The following TTN variants were observed in gnomAD, a reference collection of about 807,000 sequenced individuals.
The protein encoded by TTN is titin, also known as connectin.
Under a neutral mutation model 3,223.0 loss-of-function variants are expected in TTN, and 1,525 were observed. The ratio of observed to expected loss-of-function variants is 0.47; its 90% confidence interval spans 0.45 to 0.49. The LOEUF (loss-of-function observed/expected upper bound fraction) is 0.49. TTN is among the 20% of genes least tolerant of loss of function. TTN has a pLI of 0.00. For missense variants in TTN, 40,786 were observed against 43,424.0 expected (o/e 0.94, Z 5.40); for synonymous variants, 14,094 against 15,161.0 (o/e 0.93, Z 5.17).
chr2:178,775,487 C>A lies in TTN; in HGVS notation c.6377G>T (p.Trp2126Leu), dbSNP rs184312157. The A allele has an allele frequency of 6.2e-7, 1 of 1,614,000 alleles. No homozygotes were observed. The highest frequency in any genetic ancestry group is 1.7e-5 in the Admixed American group (1 of 59,998). The change falls in exon 28 of 363, where the codon TGG (tryptophan) becomes TTG (leucine). Residue 2126 changes from tryptophan (W) to leucine (L), a missense_variant. Coordinates refer to ENST00000589042, the MANE Select transcript of TTN (RefSeq NM_001267550.2). Reference sequence around the variant, plus strand: ...ACAAACATTGTCTTCGGGCCAGTACCAGTAGATCCGGTCAGACCGTTCAAT... The same window carrying A: ...ACAAACATTGTCTTCGGGCCAGTACAAGTAGATCCGGTCAGACCGTTCAAT... Reference protein sequence around the residue: ...VKIERSDRIYWYWPEDNVCEL... With the variant: ...VKIERSDRIYLYWPEDNVCEL...
rs1465416438 is a variant in TTN at position 178,545,700 on chromosome 2, A to G, written c.95417-7T>C. 19 of 1,609,650 alleles carry G rather than the reference A, an allele frequency of 1.2e-5. No individual in the cohort carries two copies. Among genetic ancestry groups the G allele is most frequent in the Non-Finnish European group, 1.5e-5 (18 of 1,176,904 alleles). The stretch of plus-strand genomic sequence containing the variant: ...CCGGGTGGTGATGGAATAGCTGTTT[A>G]TGAAAATAAGGATGATGAGAATTGC... On this transcript the variant is annotated splice_region_variant and splice_polypyrimidine_tract_variant and intron_variant, in intron 343 of 362. Transcript: ENST00000589042.
chr2:178,688,821 T>A, intron 125 of TTN, 43 bp from the exon 126 acceptor site: 1 of 1,486,332 alleles, frequency 6.7e-7, no homozygotes, highest in Non-Finnish European at 9.4e-7. Flanking sequence ...TCAAGAATTT[T>A]AACAATTCTC....
rs776495338 is a variant in TTN, at chr2:178,587,178, C to T, written c.64033G>A (p.Glu21345Lys). Residue 21345 changes from glutamate (E) to lysine (K), a missense_variant, in exon 307 of 363, where the codon GAA becomes AAA. Glu to Lys is a moderately conservative substitution (Grantham distance 56). Transcript: ENST00000589042. ...TCTGTTGGGACGCCAGGGCCATATT[C>T]GTTGACAGCAGTTACTCTGAAGTAA... ...EYYFRVTAVN[E>K]YGPGVPTDVP... is the part of the protein sequence containing the mutation. The T allele has an allele frequency of 1.4e-5, 23 of 1,613,144 alleles. No homozygotes were observed. Among genetic ancestry groups the T allele is most frequent in the African/African-American group, 9.4e-5 (7 of 74,838 alleles).
In TTN at chr2:178,715,511, T is replaced by C; in HGVS notation, c.25903A>G (p.Thr8635Ala). 1 of 1,611,960 alleles carries C rather than the reference T, an allele frequency of 6.2e-7. No homozygotes were observed. The highest frequency in any genetic ancestry group is 8.5e-7 in the Non-Finnish European group (1 of 1,178,294). Reference sequence around the variant, plus strand: ...CGCTGACCTTTAACTTTTAAGGATGTGCTGCTGCTGGCACTGCCTGCTGCA... The same window carrying C: ...CGCTGACCTTTAACTTTTAAGGATGCGCTGCTGCTGGCACTGCCTGCTGCA... ...HNAAGSASSS[T>A]SLKVKEPPIF... The change falls in exon 89 of 363, where the codon ACA (threonine) becomes GCA (alanine). Residue 8635 changes from threonine (T) to alanine (A), a missense_variant. Coordinates refer to ENST00000589042, the MANE Select transcript of TTN (RefSeq NM_001267550.2).
chr2:178,722,657 A>C lies in TTN; in HGVS notation c.22240+2T>G. 6.3e-7 allele frequency: 1 copy of C among 1,597,720 alleles called. No homozygotes were observed. Among genetic ancestry groups the C allele is most frequent in the African/African-American group, 1.3e-5 (1 of 74,100 alleles). ...TTTTTTTAATTTGTAAAATATCATC[A>C]CCTTGAATTCTGAACACAGTCTTAG... is the stretch of plus-strand genomic sequence containing the variant. On this transcript the variant is annotated splice_donor_variant, in intron 76 of 362. Coordinates refer to ENST00000589042, the MANE Select transcript of TTN (RefSeq NM_001267550.2). LOFTEE classifies it high-confidence loss of function.
rs766280406 is a variant in TTN, at chr2:178,664,037, C to A, written c.36342G>T (p.Lys12114Asn). The change falls in exon 169 of 363, where the codon AAG becomes AAT. Residue 12114 changes from lysine to asparagine, a missense_variant. By Grantham distance (94) the Lys-to-Asn change is moderately conservative. Coordinates refer to ENST00000589042, the MANE Select transcript of TTN (RefSeq NM_001267550.2). ...TACCTTTAACAGGTGGGACTTCAGGCTTTTTAGGAGGCACCACCGACACTT... is the reference window on the plus strand; with the variant it reads ...TACCTTTAACAGGTGGGACTTCAGGATTTTTAGGAGGCACCACCGACACTT... ...EKKVSVVPPK[K>N]PEVPPVKVPE... is the part of the protein sequence containing the mutation. 3.7e-6 allele frequency: 6 copies of A among 1,613,250 alleles called. No individual in the cohort carries two copies. In the East Asian group the frequency reaches 1.3e-4, roughly 36 times the overall value.
intron 1 of TTN, among the ~76,000 whole-genome samples, 176 bp from the exon 2 acceptor site, chr2:178,804,831 C>G (rs1471313250): frequency 6.6e-6 from 1 of 152,130 alleles, no homozygotes; most frequent in Non-Finnish European, 1.5e-5. Flanking sequence ...CATAGTTCAT[C>G]ATTGAGTTGA....
intron 45 of TTN, among the ~76,000 whole-genome samples, chr2:178,757,303 G>A (rs1219957689): frequency 1.6e-5 from 1 of 64,270 alleles, no homozygotes; most frequent in Non-Finnish European, 3.4e-5. Context: ...AGCAAAGGTG[G>A]TGCCTAATAA....
At position 178,569,468 on chromosome 2, in the gene TTN, G is replaced by A. The variant is rs1035031578; in HGVS notation, c.76664C>T (p.Ala25555Val). The A allele has an allele frequency of 6.2e-6, 10 of 1,612,694 alleles. No individual in the cohort carries two copies. The African/African-American group carries it at 1.2e-4, about 19-fold the overall frequency. ...GKVDGEIRDA[A>V]IIDVTSSFTS... Reference sequence around the variant, plus strand: ...GAAACTGCTAGTGACATCAATTATAGCTGCATCTCGGATTTCACCATCCAC... The same window carrying A: ...GAAACTGCTAGTGACATCAATTATAACTGCATCTCGGATTTCACCATCCAC... The change falls in exon 326 of 363, where the codon GCT (alanine) becomes GTT (valine). Residue 25555 changes from alanine to valine, a missense_variant. By Grantham distance (64) the Ala-to-Val change is moderately conservative (BLOSUM62 0). Transcript: ENST00000589042.
intron 240 of TTN, 69 bp downstream of exon 240, chr2:178,629,232 G>A: frequency 6.4e-7 from 1 of 1,559,574 alleles, no homozygotes; most frequent in South Asian, 1.2e-5. Context: ...AAAGAATAAG[G>A]AACATACAAG....
At position 178,527,073 on chromosome 2, in the gene TTN, C is replaced by A. The variant is rs397517478; in HGVS notation, c.107915G>T (p.Ser35972Ile). Residue 35972 changes from serine to isoleucine, a missense_variant, in exon 363 of 363, where the codon AGT (serine) becomes ATT (isoleucine). Transcript: ENST00000589042. ...QKQDGGLYTLSLGNEFGSDSA... is the reference protein window; with the variant it reads ...QKQDGGLYTLILGNEFGSDSA... ...GTCAGATCCAAATTCATTCCCTAAA[C>A]TCAGGGTATAAAGTCCACCATCTTG... is the stretch of plus-strand genomic sequence containing the variant. 7.9e-5 allele frequency: 128 copies of A among 1,613,764 alleles called. No individual in the cohort carries two copies. In the Middle Eastern group the frequency reaches 2.3e-3, roughly 29 times the overall value.
In TTN at chr2:178,534,276, A is replaced by C. The variant is rs794729561; in HGVS notation, c.102339T>G (p.Cys34113Trp). 6.2e-7 allele frequency: 1 copy of C among 1,613,912 alleles called. No individual in the cohort carries two copies. Among genetic ancestry groups the C allele is most frequent in the Non-Finnish European group, 8.5e-7 (1 of 1,179,836 alleles). Reference protein sequence around the residue: ...NMVVSAARISCGGAIRSQKGV... With the variant: ...NMVVSAARISWGGAIRSQKGV... ...CCTTCTGAGATCGAATTGCACCACCACAGGAGATCCGGGCTGCTGACACAA... is the reference window on the plus strand; with the variant it reads ...CCTTCTGAGATCGAATTGCACCACCCCAGGAGATCCGGGCTGCTGACACAA... The change falls in exon 358 of 363, where the codon TGT (cysteine) becomes TGG (tryptophan). Residue 34113 changes from cysteine (C) to tryptophan (W), a missense_variant. Coordinates refer to ENST00000589042, the MANE Select transcript of TTN (RefSeq NM_001267550.2).
In TTN at chr2:178,537,414, C is replaced by T; in HGVS notation, c.99793G>A (p.Ala33265Thr). The T allele has an allele frequency of 6.2e-7, 1 of 1,610,562 alleles. No individual in the cohort carries two copies. Among genetic ancestry groups the T allele is most frequent in the Non-Finnish European group, 8.5e-7 (1 of 1,177,524 alleles). ...CTGAGCTGGACTTTGTATTTCCCAG[C>T]ATGAGTCTTACGTTGGACATTCTTC... ...VMKNVQRKTHAGKYKVQLSNV... is the reference protein window; with the variant it reads ...VMKNVQRKTHTGKYKVQLSNV... The change falls in exon 355 of 363, where the codon GCT becomes ACT. Residue 33265 changes from alanine (A) to threonine (T), a missense_variant. Physicochemically the swap from Ala to Thr is moderately conservative, Grantham distance 58. Coordinates refer to ENST00000589042, the MANE Select transcript of TTN (RefSeq NM_001267550.2).
rs752659193 is a variant in TTN at position 178,713,974 on chromosome 2, C to G, written c.26684G>C (p.Ser8895Thr). 9.3e-6 allele frequency: 15 copies of G among 1,613,656 alleles called. No homozygotes were observed. The highest frequency in any genetic ancestry group is 1.2e-5 in the Non-Finnish European group (14 of 1,179,682). The change falls in exon 92 of 363, where the codon AGT (serine) becomes ACT (threonine). Residue 8895 changes from serine to threonine, a missense_variant. Coordinates refer to ENST00000589042, the MANE Select transcript of TTN (RefSeq NM_001267550.2). ...CTCAAAACTGTATACCCCACTGTCA[C>G]TCGGTGCTACATTGATGATCTTAAG... ...SGLKIINVAP[S>T]DSGVYSFEVQ...
Position 178,799,863 on chromosome 2 carries a change from C to A in TTN, c.631G>T (p.Ala211Ser). The A allele has an allele frequency of 6.2e-7, 1 of 1,614,118 alleles. No individual in the cohort carries two copies. Among genetic ancestry groups the A allele is most frequent in the Non-Finnish European group, 8.5e-7 (1 of 1,180,008 alleles). Reference protein sequence around the residue: ...AKKTKTIVSTAQISESRQTRI... With the variant: ...AKKTKTIVSTSQISESRQTRI... Reference sequence around the variant, plus strand: ...GTTTGTCTTGATTCTGAGATCTGAGCAGTCGAAACAATTGTCTTTGTCTTT... The same window carrying A: ...GTTTGTCTTGATTCTGAGATCTGAGAAGTCGAAACAATTGTCTTTGTCTTT... The change falls in exon 5 of 363, where the codon GCT becomes TCT. Residue 211 changes from alanine (A) to serine (S), a missense_variant. Physicochemically the swap from Ala to Ser is moderately conservative, Grantham distance 99. Transcript: ENST00000589042.
Position 178,614,215 on chromosome 2 carries a change from A to G in TTN, c.49182T>C (p.Asp16394=), listed in dbSNP as rs1168622734. The change falls in exon 262 of 363, where the codon GAT becomes GAC. Residue 16394 remains aspartate (D), a synonymous_variant. Transcript: ENST00000589042. ...ATGAGAGCTTGTGCCACACTTCACT[A>G]TCAGTTGCTCGTCTCTCCACAACAT... ...TNYVVERRAT[D]SEVWHKLSST... The G allele has an allele frequency of 1.9e-6, 3 of 1,612,400 alleles. No individual in the cohort carries two copies. Among genetic ancestry groups the G allele is most frequent in the South Asian group, 2.2e-5 (2 of 91,054 alleles).
intron 50 of TTN, 45 bp downstream of exon 50, chr2:178,735,466 T>C: frequency 1.3e-6 from 2 of 1,486,974 alleles, no homozygotes; most frequent in Non-Finnish European, 1.8e-6. Flanking sequence ...TACTGAGGAT[T>C]CCTTGCAGAG....
In TTN at chr2:178,550,058, G is replaced by A. The variant is rs1399257168; in HGVS notation, c.91780C>T (p.Arg30594Cys). ...TTGGCTTCCACTGTGTATACACCAC[G>A]ATGGTCCCGAGTAGCATCTCTAACA... ...LFVRDATRDH[R>C]GVYTVEAKNA... Residue 30594 changes from arginine to cysteine, a missense_variant, in exon 337 of 363, where the codon CGT becomes TGT. Transcript: ENST00000589042. 6.2e-6 allele frequency: 10 copies of A among 1,613,600 alleles called. No homozygotes were observed. Among genetic ancestry groups the A allele is most frequent in the African/African-American group, 1.3e-5 (1 of 74,878 alleles).
chr2:178,671,145 G>A lies in TTN; in HGVS notation c.35253C>T (p.Ile11751=). 1.2e-6 allele frequency: 2 copies of A among 1,603,140 alleles called. No homozygotes were observed. Among genetic ancestry groups the A allele is most frequent in the African/African-American group, 1.3e-5 (1 of 74,134 alleles). ...CTTTAGTGGGCGGTTTTTTTGGAGG[G>A]ATGATTTTCTCAGATATCTCAGGCC... ...PKGPEISEKI[I]PPKKPPTKVV... is the part of the protein sequence containing the mutation. Residue 11751 remains isoleucine (I), a synonymous_variant, in exon 156 of 363, where the codon ATC becomes ATT. Coordinates refer to ENST00000589042, the MANE Select transcript of TTN (RefSeq NM_001267550.2).
Sources: gnomAD v4.1 joint callset for allele counts (sites outside exome capture counted in the v4.1 genomes callset) on GRCh38, gnomAD v4.1.1 for gene constraint, MANE v1.5 for transcripts, NCBI Gene and HGNC (gene_info 2026-07-23, HGNC 2026-07-21) for gene names.